The following KRT35 variants were observed in gnomAD, a reference collection of about 807,000 sequenced individuals.
KRT35 encodes keratin 35, also known as keratin, type I cuticular Ha5.
KRT35 carries 33 observed loss-of-function variants against 42.2 expected under a neutral mutation model. The observed-to-expected ratio is 0.78, with a 90% confidence interval of 0.59 to 1.05. The LOEUF (loss-of-function observed/expected upper bound fraction) is 1.05, where lower values mean the gene tolerates loss of function less well. Ranked by LOEUF, KRT35 falls within the 50% of genes least tolerant of loss-of-function variation. KRT35 has a pLI of 0.00. For synonymous variants in KRT35, 218 were observed against 238.2 expected (o/e 0.92, Z 0.78); for missense variants, 585 against 589.2 (o/e 0.99, Z 0.07).
At chr17:41,477,349 G>T in intron 6 of KRT35, 146 bp from the exon 7 acceptor site, 1 of 1,323,898 alleles carries the variant, frequency 7.6e-7, no homozygotes, top group Non-Finnish European at 1.0e-6. Flanking sequence ...AACAGGCCCT[G>T]AGAGGAAAGG....
At position 41,481,034 on chromosome 17, in the gene KRT35, T is replaced by C. The variant is rs2019246908; in HGVS notation, c.64A>G (p.Ser22Gly). 1.2e-6 allele frequency: 2 copies of C among 1,613,924 alleles called. No homozygotes were observed. The highest frequency in any genetic ancestry group is 1.7e-6 in the Non-Finnish European group (2 of 1,179,990). Residue 22 changes from serine (S) to glycine (G), a missense_variant, in exon 1 of 7, where the codon AGT (serine) becomes GGT (glycine). By Grantham distance (56) the Ser-to-Gly change is moderately conservative. Transcript: ENST00000246639. ...GCGGACACACGAGTGGAGCCCCCAC[T>C]GGCCCCTCCTGGGCTCTTGAGAGAC... The part of the protein sequence containing the change: ...SGSLKSPGGA[S>G]GGSTRVSAMY...
rs2019198452 is a variant in KRT35, at chr17:41,477,797, G to A, written c.1000-59C>T. The stretch of plus-strand genomic sequence containing the variant: ...GGCTAGAGGTCAGAGAAGGAGCAAG[G>A]AAGGAATCTTCCTTGGAGCTATAGC... On this transcript the variant is annotated intron_variant, in intron 5 of 6. Transcript: ENST00000246639. 1.5e-5 allele frequency: 23 copies of A among 1,545,330 alleles called. No individual in the cohort carries two copies. In the South Asian group the frequency reaches 2.6e-4, roughly 18 times the overall value.
chr17:41,481,129 C>T lies in KRT35; in HGVS notation c.-32G>A. On this transcript the variant is annotated 5_prime_UTR_variant, in exon 1 of 7. Transcript: ENST00000246639. ...TGCAACTCAGATGCAATTGATAGGT[C>T]TCTGAGGCCAGACACCCCAAAGCAG... 1 of 1,496,218 alleles carries T rather than the reference C, an allele frequency of 6.7e-7. No homozygotes were observed. The highest frequency in any genetic ancestry group is 9.1e-7 in the Non-Finnish European group (1 of 1,098,494). The allele number at this position is 1,496,218 out of a possible 1,614,324, so 92.7% of individuals were successfully genotyped here.
Position 41,480,767 on chromosome 17 carries a change from A to T in KRT35, c.331T>A (p.Tyr111Asn). The T allele has an allele frequency of 6.2e-7, 1 of 1,614,212 alleles. No individual in the cohort carries two copies. The highest frequency in any genetic ancestry group is 8.5e-7 in the Non-Finnish European group (1 of 1,180,038). ...TCCAGCTGACGCACCTTCTCCAGGT[A>T]GCCGGCCAGGCGGTCGTTCAGGGAT... ...MQSLNDRLAG[Y>N]LEKVRQLEQE... The change falls in exon 1 of 7, where the codon TAC (tyrosine) becomes AAC (asparagine). Residue 111 changes from tyrosine to asparagine, a missense_variant. Physicochemically the swap from Tyr to Asn is moderately radical, Grantham distance 143. Transcript: ENST00000246639.
rs1016314833 is a variant in KRT35, at chr17:41,477,465, C to T, written c.1220+53G>A. On this transcript the variant is annotated intron_variant, in intron 6 of 6. Coordinates refer to ENST00000246639, the MANE Select transcript of KRT35 (RefSeq NM_002280.6). ...CTTTCTAGGCACCATGCTGTCTTCC[C>T]AGAACTTGGTAGATTGCAGTGAGAA... 5 of 1,602,602 alleles carry T rather than the reference C, an allele frequency of 3.1e-6. No homozygotes were observed. In the Admixed American group the frequency reaches 6.7e-5, roughly 21 times the overall value.
intron 6 of KRT35, 110 bp from the exon 7 acceptor site, chr17:41,477,313 C>A: frequency 7.2e-7 from 1 of 1,388,336 alleles, no homozygotes; most frequent in Admixed American, 2.2e-5. Context: ...CACCTTGATC[C>A]TGCCCCCTTG....
At position 41,477,222 on chromosome 17, in the gene KRT35, A is replaced by G. The variant is rs532340423; in HGVS notation, c.1221-19T>C. The G allele has an allele frequency of 6.2e-7, 1 of 1,613,254 alleles. No individual in the cohort carries two copies. The highest frequency in any genetic ancestry group is 1.1e-5 in the South Asian group (1 of 91,028). On this transcript the variant is annotated intron_variant, in intron 6 of 6. Coordinates refer to ENST00000246639, the MANE Select transcript of KRT35 (RefSeq NM_002280.6). The stretch of plus-strand genomic sequence containing the variant: ...GGGGAGCCTAGAAAAAAGAAAACAA[A>G]TTACTGTGATTTTCCAGTTGCTGTT...
rs1275927518 is a variant in KRT35 at position 41,480,782 on chromosome 17, C to T, written c.316G>A (p.Asp106Asn). The change falls in exon 1 of 7, where the codon GAC (aspartate) becomes AAC (asparagine). Residue 106 changes from aspartate (D) to asparagine (N), a missense_variant. Asp to Asn is a conservative substitution (Grantham distance 23). Coordinates refer to ENST00000246639, the MANE Select transcript of KRT35 (RefSeq NM_002280.6). ...NEKETMQSLN[D>N]RLAGYLEKVR... ...TTCTCCAGGTAGCCGGCCAGGCGGT[C>T]GTTCAGGGATTGCATGGTCTCCTTC... 2 of 1,614,082 alleles carry T rather than the reference C, an allele frequency of 1.2e-6. No homozygotes were observed. Among genetic ancestry groups the T allele is most frequent in the East Asian group, 2.2e-5 (1 of 44,894 alleles).
chr17:41,476,964 A>G lies in KRT35; in HGVS notation c.*92T>C. The G allele has an allele frequency of 7.8e-7, 1 of 1,274,950 alleles. No homozygotes were observed. The highest frequency in any genetic ancestry group is 1.5e-5 in the South Asian group (1 of 66,786). The allele number at this position is 1,274,950 out of a possible 1,614,324, so 79.0% of individuals were successfully genotyped here. A position where few individuals can be genotyped will look rare whatever the true frequency, so the allele number is the denominator to read the frequency against. ...GACCCTGGGCCTGGGCTCTGCGCGA[A>G]GAGAGGGGATTGGGCTACAAGGGTT... On this transcript the variant is annotated 3_prime_UTR_variant, in exon 7 of 7. Transcript: ENST00000246639.
chr17:41,478,567 G>C, intron 4 of KRT35, 81 bp from the exon 5 acceptor site: 1 of 1,514,858 alleles, frequency 6.6e-7, no homozygotes, highest in Non-Finnish European at 9.0e-7. Context: ...TTAGAATCAT[G>C]AGCCAAGAAA....
chr17:41,477,376 C>A, intron 6 of KRT35, 142 bp downstream of exon 6: 2 of 1,332,866 alleles, frequency 1.5e-6, no homozygotes, highest in Non-Finnish European at 2.0e-6. Flanking sequence ...GCTGGAGTCA[C>A]GTGATGAGTT....
chr17:41,478,866 G>A lies in KRT35; in HGVS notation c.841C>T (p.Arg281Cys), dbSNP rs149199223. 1,736 of 1,613,892 alleles carry A rather than the reference G, an allele frequency of 1.1e-3. 7 individuals carry two copies. The highest frequency in any genetic ancestry group is 1.2e-3 in the Non-Finnish European group (1,433 of 1,179,902). Residue 281 changes from arginine (R) to cysteine (C), a missense_variant, in exon 4 of 7, where the codon CGC becomes TGC. Physicochemically the swap from Arg to Cys is radical, Grantham distance 180 (BLOSUM62 -3). Coordinates refer to ENST00000246639, the MANE Select transcript of KRT35 (RefSeq NM_002280.6). ...TCCAACCAGTCTTCAGCATCCCGGC[G>A]GTTATTCTCCACCAGGGTTTCATAC... is the stretch of plus-strand genomic sequence containing the variant. ...CQYETLVENN[R>C]RDAEDWLDTQ...
intron 5 of KRT35, 87 bp downstream of exon 5, chr17:41,478,274 G>T (rs756208470): frequency 2.7e-5 from 40 of 1,470,496 alleles, no homozygotes; most frequent in Non-Finnish European, 3.7e-5. Context: ...CCTGGAGTCC[G>T]CCTGTGTGGT....
intron 6 of KRT35, 34 bp from the exon 7 acceptor site, chr17:41,477,237 C>T: frequency 1.2e-6 from 2 of 1,611,724 alleles, no homozygotes; most frequent in Non-Finnish European, 1.7e-6. Flanking sequence ...TGTGATTTTC[C>T]AGTTGCTGTT....
Position 41,477,685 on chromosome 17 carries a change from C to T in KRT35, c.1053G>A (p.Gln351=). ...LAETEARYSS[Q]LAQMQCMITN... ...TGATCATGCACTGCATCTGGGCCAG[C>T]TGGGAGCTATAGCGGGCCTCCGTCT... is the stretch of plus-strand genomic sequence containing the variant. Residue 351 remains glutamine, a synonymous_variant, in exon 6 of 7, where the codon CAG becomes CAA. Transcript: ENST00000246639. The T allele has an allele frequency of 1.2e-6, 2 of 1,614,264 alleles. No individual in the cohort carries two copies. The highest frequency in any genetic ancestry group is 2.2e-5 in the South Asian group (2 of 91,086).
Position 41,477,359 on chromosome 17 carries a change from G to T in KRT35, c.1221-156C>A, listed in dbSNP as rs372254019. 5.8e-4 allele frequency among the ~76,000 whole-genome samples: 88 copies of T among 152,306 alleles called. 2 individuals carry two copies. The East Asian group carries it at 7.9e-3, about 14-fold the overall frequency. The stretch of plus-strand genomic sequence containing the variant: ...AGGGAAACAGGCCCTGAGAGGAAAG[G>T]GGGCTTGCTGGAGTCACGTGATGAG... On this transcript the variant is annotated intron_variant, in intron 6 of 6. Transcript: ENST00000246639.
intron 4 of KRT35, 83 bp from the exon 5 acceptor site, chr17:41,478,569 G>C: frequency 6.7e-7 from 1 of 1,501,894 alleles, no homozygotes; most frequent in Admixed American, 1.9e-5. Flanking sequence ...AGAATCATGA[G>C]CCAAGAAAGA....
Position 41,479,332 on chromosome 17 carries a change from T to C in KRT35, c.711+15A>G, listed in dbSNP as rs575181040. The C allele has an allele frequency of 1.2e-6, 2 of 1,610,192 alleles. No individual in the cohort carries two copies. The highest frequency in any genetic ancestry group is 1.7e-5 in the Admixed American group (1 of 59,788). On this transcript the variant is annotated intron_variant, in intron 3 of 6. Transcript: ENST00000246639. ...TCACCTGCTGTGCCGTGTTCACCTT[T>C]TCCCCCATGCTCACCTCCTCATGGT... is the stretch of plus-strand genomic sequence containing the variant.
chr17:41,479,128 A>G, intron 3 of KRT35, 133 bp from the exon 4 acceptor site: 2 of 978,400 alleles, frequency 2.0e-6, no homozygotes, highest in Non-Finnish European at 2.9e-6. Context: ...TCTGCTCCCC[A>G]TGCCCACCTC....
Sources: allele counts gnomAD v4.1 joint callset (sites outside exome capture counted in the v4.1 genomes callset), GRCh38; gene constraint gnomAD v4.1.1; transcripts MANE v1.5; gene names NCBI Gene and HGNC (gene_info 2026-07-23, HGNC 2026-07-21).